Variants in RABGAP1 observed in about 807,000 individuals in gnomAD.
RABGAP1 encodes the protein rab GTPase-activating protein 1.
RABGAP1 carries 23 observed loss-of-function variants against 137.6 expected under a neutral mutation model. The ratio of observed to expected loss-of-function variants is 0.17; its 90% confidence interval spans 0.12 to 0.24. RABGAP1 has a LOEUF of 0.24. Among genes scored for constraint, RABGAP1 ranks in the 10% least tolerant of loss-of-function variants. The pLI, the probability that RABGAP1 is intolerant of heterozygous loss-of-function variation, is 1.00. For missense variants in RABGAP1, 906 were observed against 1,275.8 expected (o/e 0.71, Z 4.42); for synonymous variants, 451 against 450.7 (o/e 1.00, Z -0.01).
chr9:123,043,709 T>G (rs191630710), intron 13 of RABGAP1, among the ~76,000 whole-genome samples: 13 of 152,182 alleles, frequency 8.5e-5, no homozygotes. Context: ...GAAACTGATG[T>G]CTAAAGTGGA....
chr9:123,084,796 A>T (rs1178947609), intron 19 of RABGAP1, among the ~76,000 whole-genome samples: 2 of 152,206 alleles, frequency 1.3e-5, no homozygotes, highest in Non-Finnish European at 2.9e-5. Context: ...TGATCTTCAT[A>T]ACAGTAGTCT....
At chr9:122,994,278 T>C (rs944278402) in intron 6 of RABGAP1, among the ~76,000 whole-genome samples, 1 of 152,200 alleles carries the variant, frequency 6.6e-6, no homozygotes, top group African/African-American at 2.4e-5. Flanking sequence ...TCCCTGTAGA[T>C]TCAGAACACC....
At chr9:123,056,804 C>T (rs534596927) in intron 13 of RABGAP1, among the ~76,000 whole-genome samples, 2 of 152,182 alleles carry the variant, frequency 1.3e-5, no homozygotes, top group African/African-American at 2.4e-5. Flanking sequence ...GGTAAGGTCA[C>T]AGATCAACAG....
intron 13 of RABGAP1, among the ~76,000 whole-genome samples, chr9:123,022,321 A>C (rs2031691565): frequency 6.6e-6 from 1 of 152,220 alleles, no homozygotes; most frequent in Non-Finnish European, 1.5e-5. Context: ...ATGTAAAAGA[A>C]AGACTATTAA....
At chr9:122,980,358 C>T (rs907514353) in intron 2 of RABGAP1, among the ~76,000 whole-genome samples, 18 of 152,266 alleles carry the variant, frequency 1.2e-4, no homozygotes, top group Admixed American at 5.2e-4. Context: ...TGATCCTTCC[C>T]CACAGCCTCC....
chr9:123,007,290 G>A (rs1389520643), intron 10 of RABGAP1, among the ~76,000 whole-genome samples: 1 of 150,124 alleles, frequency 6.7e-6, no homozygotes, highest in Non-Finnish European at 1.5e-5. Context: ...GGCCAGGCTA[G>A]TCTTGAACTC....
In RABGAP1 at chr9:123,070,713, C is replaced by A. The variant is rs1032157987; in HGVS notation, c.1983+289C>A. Among the ~76,000 whole-genome samples, 2 of 152,128 alleles carry A rather than the reference C, an allele frequency of 1.3e-5. No individual in the cohort carries two copies. Among genetic ancestry groups the A allele is most frequent in the Non-Finnish European group, 2.9e-5 (2 of 68,016 alleles). ...GGTTGAACTCTTGGGGACGTTTTAT[C>A]TTCTCTAAAGTAGCCGCTGTCATTA... On this transcript the variant is annotated intron_variant, in intron 15 of 25. Transcript: ENST00000373647. The surrounding 1 kb of genome is among the most constrained non-coding windows in gnomAD (Gnocchi z 4.4).
intron 11 of RABGAP1, among the ~76,000 whole-genome samples, 167 bp downstream of exon 11, chr9:123,010,695 T>C (rs1402960159): frequency 6.6e-6 from 1 of 152,234 alleles, no homozygotes; most frequent in African/African-American, 2.4e-5. Context: ...TAAAAATGAT[T>C]AACATTGAGT....
upstream of RABGAP1, among the ~76,000 whole-genome samples, chr9:122,937,259 G>A (rs568221846): frequency 2.6e-5 from 4 of 152,362 alleles, no homozygotes; most frequent in East Asian, 1.9e-4. Flanking sequence ...AGATGTCTGA[G>A]TTAATAGACA....
At chr9:123,055,677 G>A (rs538209473) in intron 13 of RABGAP1, among the ~76,000 whole-genome samples, 13 of 151,406 alleles carry the variant, frequency 8.6e-5, no homozygotes, top group African/African-American at 3.2e-4. Context: ...AGCCTCCTGA[G>A]TAGCTGGGAT....
chr9:122,972,954 G>A (rs1358135547), intron 2 of RABGAP1, among the ~76,000 whole-genome samples: 7 of 146,796 alleles, frequency 4.8e-5, no homozygotes, highest in African/African-American at 1.5e-4. Flanking sequence ...AGGCAATATA[G>A]TGAGAGCCTA....
chr9:123,101,642 A>G lies in RABGAP1; in HGVS notation c.2966A>G (p.Lys989Arg), dbSNP rs757830884. 1 of 1,614,168 alleles carries G rather than the reference A, an allele frequency of 6.2e-7. No homozygotes were observed. The highest frequency in any genetic ancestry group is 8.5e-7 in the Non-Finnish European group (1 of 1,180,022). Residue 989 changes from lysine (K) to arginine (R), a missense_variant, in exon 25 of 26, where the codon AAG becomes AGG. Physicochemically the swap from Lys to Arg is conservative, Grantham distance 26 (BLOSUM62 2). Transcript: ENST00000373647. Reference protein sequence around the residue: ...EGRVKGISSTKEVLDEDTDEE... With the variant: ...EGRVKGISSTREVLDEDTDEE... Reference sequence around the variant, plus strand: ...CGTGTAAAAGGCATAAGCTCAACCAAGGAGGTTTTAGATGAGGACACGGAT... The same window carrying G: ...CGTGTAAAAGGCATAAGCTCAACCAGGGAGGTTTTAGATGAGGACACGGAT...
intron 13 of RABGAP1, among the ~76,000 whole-genome samples, chr9:123,042,711 T>TA (rs2132027216): frequency 6.6e-6 from 1 of 152,162 alleles, no homozygotes; most frequent in South Asian, 2.1e-4. Context: ...GGGAACCCAA[T>TA]AGCTGACTAA....
In RABGAP1 at chr9:122,990,141, C is replaced by T. The variant is rs1161935375; in HGVS notation, c.851C>T (p.Thr284Ile). 6.2e-7 allele frequency: 1 copy of T among 1,612,078 alleles called. No homozygotes were observed. Among genetic ancestry groups the T allele is most frequent in the Non-Finnish European group, 8.5e-7 (1 of 1,178,130 alleles). Residue 284 changes from threonine (T) to isoleucine (I), a missense_variant, in exon 6 of 26, where the codon ACT (threonine) becomes ATT (isoleucine). Thr to Ile is a moderately conservative substitution (Grantham distance 89). Coordinates refer to ENST00000373647, the MANE Select transcript of RABGAP1 (RefSeq NM_012197.4). The part of the protein sequence containing the change: ...TPLSATAAPQ[T>I]PDSDIFTFSV... ...CTTTCAGCCACTGCTGCACCCCAGA[C>T]TCCTGACAGTGACATCTTTACCTTC...
intron 13 of RABGAP1, among the ~76,000 whole-genome samples, chr9:123,059,911 C>T (rs2033901294): frequency 6.6e-6 from 1 of 152,152 alleles, no homozygotes; most frequent in Non-Finnish European, 1.5e-5. Flanking sequence ...ATCATTTAGG[C>T]TGTTATATTA....
chr9:123,009,258 C>G (rs919373362), intron 10 of RABGAP1, among the ~76,000 whole-genome samples: 1 of 152,212 alleles, frequency 6.6e-6, no homozygotes, highest in Non-Finnish European at 1.5e-5. Flanking sequence ...GAAAAGTTTA[C>G]TGACTTCTGT....
chr9:122,937,873 C>G (rs539734011), upstream of RABGAP1: 125 of 152,204 alleles, frequency 8.2e-4, no homozygotes, highest in African/African-American at 2.8e-3. Flanking sequence ...GCCTGTGTTC[C>G]CAGCTACTCA....
intron 13 of RABGAP1, 89 bp downstream of exon 13, chr9:123,020,548 G>A (rs976287699): frequency 1.6e-6 from 2 of 1,222,858 alleles, no homozygotes; most frequent in Admixed American, 3.0e-5. Flanking sequence ...TATAAGAAGT[G>A]TTTATTATTA....
At chr9:123,062,539 T>C (rs536179071) in intron 13 of RABGAP1, 3 of 152,334 alleles carry the variant, frequency 2.0e-5, no homozygotes, top group South Asian at 2.1e-4. Flanking sequence ...AGGCCAAATA[T>C]TTTAAGCAAA....
Sources: allele counts gnomAD v4.1 joint callset (sites outside exome capture counted in the v4.1 genomes callset), GRCh38; gene constraint gnomAD v4.1.1; non-coding constraint Gnocchi (gnomAD v3.1); transcripts MANE v1.5; gene names NCBI Gene and HGNC (gene_info 2026-07-23, HGNC 2026-07-21).